The following MCUB variants were observed in gnomAD, a reference collection of about 807,000 sequenced individuals.
MCUB encodes mitochondrial calcium uniporter dominant negative subunit beta, also known as calcium uniporter regulatory subunit MCUb, mitochondrial.
Under a neutral mutation model 41.4 loss-of-function variants are expected in MCUB, and 46 were observed. The ratio of observed to expected loss-of-function variants is 1.11; its 90% CI spans 0.88 to 1.42. MCUB has a LOEUF of 1.42. Ranked by LOEUF, MCUB falls within the 40% of genes most tolerant of loss-of-function variation. The probability of loss-of-function intolerance (pLI) is 0.00; values close to 1 mark genes in which losing one functional copy is unlikely to be tolerated. For missense variants in MCUB, 403 were observed against 404.9 expected, an observed-to-expected ratio of 1.00 and a Z score of 0.04; for synonymous variants, 148 against 148.2, an observed-to-expected ratio of 1.00 and a Z score of 0.01.
intron 1 of MCUB, among the ~76,000 whole-genome samples, chr4:109,566,135 C>A (rs977547227): frequency 6.6e-6 from 1 of 150,598 alleles, no homozygotes; most frequent in African/African-American, 2.4e-5. Flanking sequence ...GGATTACAGG[C>A]GTGAGCCACT....
chr4:109,619,030 G>GCCTGCCTGCCTACCTA (rs1554017841), intron 1 of MCUB, among the ~76,000 whole-genome samples: 56 of 118,800 alleles, frequency 4.7e-4, no homozygotes, highest in East Asian at 1.5e-3. Flanking sequence ...CTACCTGCCT[G>GCCTGCCTGCCTACCTA]CCTACCTACC....
intron 1 of MCUB, among the ~76,000 whole-genome samples, chr4:109,599,371 C>T (rs1391938167): frequency 2.6e-5 from 4 of 152,092 alleles, no homozygotes; most frequent in South Asian, 2.1e-4. Flanking sequence ...TGAAGACCAC[C>T]GAAACGACAG....
intron 4 of MCUB, among the ~76,000 whole-genome samples, chr4:109,680,322 C>G (rs549992264): frequency 1.3e-5 from 2 of 152,310 alleles, no homozygotes; most frequent in East Asian, 3.9e-4. Flanking sequence ...AACCAACTAT[C>G]CACTTTTTGT....
intron 1 of MCUB, among the ~76,000 whole-genome samples, chr4:109,579,589 A>G (rs956371102): frequency 6.6e-6 from 1 of 152,162 alleles, no homozygotes; most frequent in Non-Finnish European, 1.5e-5. Context: ...AGGGTGCTAC[A>G]TGTAAGACGT....
chr4:109,686,040 T>C (rs968094366), intron 7 of MCUB, among the ~76,000 whole-genome samples: 6 of 152,248 alleles, frequency 3.9e-5, no homozygotes, highest in African/African-American at 1.2e-4. Context: ...GTTTAGTAGC[T>C]GGTAATCAAA....
chr4:109,669,420 C>G (rs1180300502), intron 4 of MCUB, among the ~76,000 whole-genome samples: 2 of 151,974 alleles, frequency 1.3e-5, no homozygotes, highest in Admixed American at 1.3e-4. Context: ...AGGGTTCCCC[C>G]CTTCCCTGGC....
intron 1 of MCUB, among the ~76,000 whole-genome samples, chr4:109,626,765 A>T (rs1728368147): frequency 1.5e-5 from 1 of 68,734 alleles, no homozygotes; most frequent in Non-Finnish European, 2.9e-5. Context: ...GTGAGCTGAG[A>T]TCATGCCATT....
chr4:109,661,147 G>C (rs576243665), intron 3 of MCUB, among the ~76,000 whole-genome samples: 1 of 152,244 alleles, frequency 6.6e-6, no homozygotes, highest in Admixed American at 6.5e-5. Context: ...TAAAAAACCA[G>C]AAGTATGTCA....
chr4:109,619,773 A>T (rs1430799729), intron 1 of MCUB, among the ~76,000 whole-genome samples: 1 of 152,152 alleles, frequency 6.6e-6, no homozygotes, highest in African/African-American at 2.4e-5. Flanking sequence ...TTTTGGGGAC[A>T]TGTTGCTTCT....
At chr4:109,627,554 T>G (rs753338409) in intron 1 of MCUB, among the ~76,000 whole-genome samples, 1 of 152,168 alleles carries the variant, frequency 6.6e-6, no homozygotes, top group Non-Finnish European at 1.5e-5. Flanking sequence ...TTTTCATGAG[T>G]GCTTGCCATG....
intron 1 of MCUB, among the ~76,000 whole-genome samples, chr4:109,563,834 GC>G (rs1726697613): frequency 6.6e-6 from 1 of 152,092 alleles, no homozygotes. Flanking sequence ...TGATCCTCCT[GC>G]CTCAGCCTCC....
chr4:109,604,524 G>C lies in MCUB; in HGVS notation c.99+44088G>C, dbSNP rs186567374. Among the ~76,000 whole-genome samples, 312 of 152,212 alleles carry C rather than the reference G, an allele frequency of 2.0e-3. 1 individual carries two copies. Among genetic ancestry groups the C allele is most frequent in the African/African-American group, 6.9e-3 (287 of 41,530 alleles). On this transcript the variant is annotated intron_variant, in intron 1 of 7. Transcript: ENST00000394650. ...TGCCCTTTATTTCATTCTCTGGTCT[G>C]ATTGCTCTAGTTAGGACTATCAATA...
intron 1 of MCUB, among the ~76,000 whole-genome samples, chr4:109,653,349 A>C (rs1475288986): frequency 6.6e-6 from 1 of 151,806 alleles, no homozygotes; most frequent in Non-Finnish European, 1.5e-5. Flanking sequence ...ACTGCACTCC[A>C]GCCTGGGGGA....
At chr4:109,655,388 C>T (rs1168754142) in intron 1 of MCUB, among the ~76,000 whole-genome samples, 1 of 152,138 alleles carries the variant, frequency 6.6e-6, no homozygotes, top group Non-Finnish European at 1.5e-5. Flanking sequence ...TTTATTAACT[C>T]AGTCTCCAGC....
At chr4:109,596,000 T>TTTTTTAATGATACGGCG (rs1727547913) in intron 1 of MCUB, among the ~76,000 whole-genome samples, 1 of 136,634 alleles carries the variant, frequency 7.3e-6, no homozygotes, top group Non-Finnish European at 1.5e-5. Context: ...CAGCCCCACC[T>TTTTTTAATGATACGGCG]ACCAGTAAGG....
intron 1 of MCUB, among the ~76,000 whole-genome samples, chr4:109,631,723 C>A (rs1008505299): frequency 2.4e-4 from 37 of 152,222 alleles, no homozygotes; most frequent in African/African-American, 8.7e-4. Flanking sequence ...CAGTGCAGGA[C>A]CTGGGGAGAC....
At chr4:109,686,792 C>T (rs1024294390) in intron 7 of MCUB, among the ~76,000 whole-genome samples, 16 of 152,178 alleles carry the variant, frequency 1.1e-4, no homozygotes, top group Non-Finnish European at 1.8e-4. Flanking sequence ...AGGAAGATCC[C>T]TTGAACCCAA....
intron 1 of MCUB, among the ~76,000 whole-genome samples, chr4:109,608,381 G>A (rs1727926742): frequency 6.6e-6 from 1 of 151,958 alleles, no homozygotes; most frequent in African/African-American, 2.4e-5. Context: ...GTTTCTTCAG[G>A]ATTTGTCTCT....
intron 1 of MCUB, among the ~76,000 whole-genome samples, chr4:109,612,263 C>CTTTTTTTT (rs56813205): frequency 2.6e-5 from 3 of 114,810 alleles, no homozygotes; most frequent in African/African-American, 1.0e-4. Flanking sequence ...TCCTCCTTTT[C>CTTTTTTTT]TTTTTTTTTT....
Sources: allele counts gnomAD v4.1 joint callset (sites outside exome capture counted in the v4.1 genomes callset), GRCh38; gene constraint gnomAD v4.1.1; transcripts MANE v1.5; gene names NCBI Gene and HGNC (gene_info 2026-07-23, HGNC 2026-07-21).